Variants in STK32B observed in about 807,000 individuals in gnomAD.
STK32B encodes serine/threonine kinase 32B, also known as serine/threonine-protein kinase 32B.
A neutral mutation model predicts 52.6 loss-of-function variants in STK32B; 43 were observed. The ratio of observed to expected loss-of-function variants is 0.82; its 90% CI spans 0.64 to 1.05. The LOEUF (loss-of-function observed/expected upper bound fraction) is 1.05, where lower values mean the gene tolerates loss of function less well. Ranked by LOEUF, STK32B falls within the 50% of genes least tolerant of loss-of-function variation. STK32B has a pLI of 0.00. For synonymous variants in STK32B, 238 were observed against 204.3 expected, an observed-to-expected ratio of 1.17 and a Z score of -1.41; for missense variants, 621 against 534.6, an observed-to-expected ratio of 1.16 and a Z score of -1.59.
chr4:5,448,968 C>G (rs534207564), intron 7 of STK32B, among the ~76,000 whole-genome samples: 2 of 152,276 alleles, frequency 1.3e-5, no homozygotes, highest in Non-Finnish European at 2.9e-5. Flanking sequence ...TATCCCCCCT[C>G]TTGGAATTCC....
intron 9 of STK32B, among the ~76,000 whole-genome samples, chr4:5,462,804 C>T (rs1000424089): frequency 6.6e-6 from 1 of 152,166 alleles, no homozygotes; most frequent in Admixed American, 6.5e-5. Context: ...GTTGTGCAAA[C>T]AAAAATGTCT....
chr4:5,332,567 A>G (rs920116196), intron 4 of STK32B, among the ~76,000 whole-genome samples: 1 of 152,094 alleles, frequency 6.6e-6, no homozygotes, highest in African/African-American at 2.4e-5. Context: ...ACATATGTAT[A>G]CATGTGCCAT....
intron 1 of STK32B, among the ~76,000 whole-genome samples, chr4:5,120,254 T>C (rs1714954790): frequency 6.6e-6 from 1 of 152,146 alleles, no homozygotes; most frequent in Admixed American, 6.5e-5. Flanking sequence ...TGAATCAGAT[T>C]GATTGATACA....
In STK32B at chr4:5,460,517, T is replaced by C. The variant is rs1377949293; in HGVS notation, c.909+289T>C. Among the ~76,000 whole-genome samples the C allele has an allele frequency of 6.6e-6, 1 of 152,166 alleles. No individual in the cohort carries two copies. Among genetic ancestry groups the C allele is most frequent in the Non-Finnish European group, 1.5e-5 (1 of 68,032 alleles). ...TCCAGGTGTGGGGATAGCAGGCTGA[T>C]CTACCCTTCTGCCTCCACAGAGCTG... On this transcript the variant is annotated intron_variant, in intron 9 of 11. Coordinates refer to ENST00000282908, the MANE Select transcript of STK32B (RefSeq NM_018401.3). The surrounding 1 kb of genome is among the most constrained non-coding windows in gnomAD (Gnocchi z 4.8).
chr4:5,376,461 G>A (rs1735594234), intron 4 of STK32B, among the ~76,000 whole-genome samples: 1 of 151,428 alleles, frequency 6.6e-6, no homozygotes, highest in Non-Finnish European at 1.5e-5. Context: ...TTTTGGCCTA[G>A]GCGTCCACCT....
chr4:5,462,876 G>T (rs374769711), intron 9 of STK32B, among the ~76,000 whole-genome samples: 1 of 152,206 alleles, frequency 6.6e-6, no homozygotes, highest in Non-Finnish European at 1.5e-5. Context: ...CACAAGGGTA[G>T]GGTTTTGTGG....
chr4:5,217,453 G>T (rs1345940437), intron 3 of STK32B, among the ~76,000 whole-genome samples: 1 of 152,110 alleles, frequency 6.6e-6, no homozygotes, highest in East Asian at 1.9e-4. Context: ...AGTGATACAG[G>T]AATGCCAGTC....
In STK32B at chr4:5,291,085, G is replaced by A. The variant is rs944197312; in HGVS notation, c.261-40135G>A. Reference sequence around the variant, plus strand: ...TTTATGCCAATGCCACACTGTCTTCGTTACTATAACATTGTAATAAGTTTG... The same window carrying A: ...TTTATGCCAATGCCACACTGTCTTCATTACTATAACATTGTAATAAGTTTG... On this transcript the variant is annotated intron_variant, in intron 3 of 11. Transcript: ENST00000282908. Among the ~76,000 whole-genome samples, 8 of 151,968 alleles carry A rather than the reference G, an allele frequency of 5.3e-5. No homozygotes were observed. In the East Asian group the frequency reaches 9.6e-4, roughly 18 times the overall value.
intron 5 of STK32B, among the ~76,000 whole-genome samples, chr4:5,403,182 T>A (rs1237432422): frequency 6.6e-6 from 1 of 152,186 alleles, no homozygotes; most frequent in Non-Finnish European, 1.5e-5. Context: ...GGCACACTTT[T>A]CAGATGCCAA....
intron 6 of STK32B, among the ~76,000 whole-genome samples, chr4:5,422,571 G>T (rs1441919400): frequency 1.3e-5 from 2 of 152,344 alleles, no homozygotes; most frequent in East Asian, 1.9e-4. Flanking sequence ...GAATGTTCCA[G>T]CAGCCACGTG....
intron 1 of STK32B, among the ~76,000 whole-genome samples, chr4:5,062,384 T>C (rs931445223): frequency 2.6e-5 from 4 of 152,224 alleles, no homozygotes; most frequent in African/African-American, 9.6e-5. Flanking sequence ...AGCCAACTCA[T>C]GAACCTCACC....
rs1560259168 is a variant in STK32B at position 5,249,433 on chromosome 4, T to TACCTA, written c.260+80983_260+80984insACCTA. On this transcript the variant is annotated intron_variant, in intron 3 of 11. Coordinates refer to ENST00000282908, the MANE Select transcript of STK32B (RefSeq NM_018401.3). The stretch of plus-strand genomic sequence containing the variant: ...TCCTGCCTGTCTGTTCTTCCTTCCT[T>TACCTA]CCTACCTACCTTCCTTCCTTCCTTC... Among the ~76,000 whole-genome samples, 310 of 138,576 alleles carry TACCTA rather than the reference T, an allele frequency of 2.2e-3. 6 individuals carry two copies. The highest frequency in any genetic ancestry group is 3.6e-3 in the Non-Finnish European group (227 of 62,614). 90.9% of individuals were successfully genotyped at this position (138,576 alleles called of 152,430 possible).
At position 5,395,548 on chromosome 4, in the gene STK32B, A is replaced by G. The variant is rs1011612944; in HGVS notation, c.435-2659A>G. Among the ~76,000 whole-genome samples, 36 of 152,018 alleles carry G rather than the reference A, an allele frequency of 2.4e-4. No individual in the cohort carries two copies. Among genetic ancestry groups the G allele is most frequent in the Non-Finnish European group, 3.8e-4 (26 of 68,002 alleles). The stretch of plus-strand genomic sequence containing the variant: ...CCTTCTTCACCTGCCACAACTTACA[A>G]TCCTGCCATTGATTCATGTGCCTTC... On this transcript the variant is annotated intron_variant, in intron 4 of 11. Transcript: ENST00000282908. The surrounding 1 kb of genome is among the most constrained non-coding windows in gnomAD (Gnocchi z 4.4).
chr4:5,031,811 C>G, the STK32B span, among the ~76,000 whole-genome samples: 1 of 152,122 alleles, frequency 6.6e-6, no homozygotes, highest in Non-Finnish European at 1.5e-5. Flanking sequence ...CCTCAGTCCC[C>G]TCCTCAGATC....
At chr4:5,368,612 C>A (rs909533092) in intron 4 of STK32B, among the ~76,000 whole-genome samples, 2 of 152,180 alleles carry the variant, frequency 1.3e-5, no homozygotes, top group African/African-American at 4.8e-5. Context: ...GGGATGTAAA[C>A]CCAGGTAGCC....
chr4:5,097,735 A>T (rs1005353001), intron 1 of STK32B, among the ~76,000 whole-genome samples: 5 of 152,252 alleles, frequency 3.3e-5, no homozygotes, highest in African/African-American at 1.2e-4. Context: ...CTCGTTAATC[A>T]TGTCGATATG....
upstream of STK32B, chr4:5,051,306 T>G (rs1371356785): frequency 6.5e-6 from 1 of 154,522 alleles, no homozygotes; most frequent in Non-Finnish European, 1.4e-5. Flanking sequence ...AGCCGAGGCC[T>G]GGCCATAGTG....
intron 3 of STK32B, among the ~76,000 whole-genome samples, chr4:5,231,080 C>T (rs976293873): frequency 1.3e-5 from 2 of 152,054 alleles, no homozygotes; most frequent in African/African-American, 4.8e-5. Flanking sequence ...CTCACATCAC[C>T]TGCCAGAGTG....
At chr4:5,270,261 G>A (rs575947882) in intron 3 of STK32B, among the ~76,000 whole-genome samples, 2 of 152,270 alleles carry the variant, frequency 1.3e-5, no homozygotes, top group South Asian at 4.1e-4. Flanking sequence ...TGAGGAGCAG[G>A]GAAGCCAGTT....
Sources: allele counts gnomAD v4.1 joint callset (sites outside exome capture counted in the v4.1 genomes callset), GRCh38; gene constraint gnomAD v4.1.1; non-coding constraint Gnocchi (gnomAD v3.1); transcripts MANE v1.5; gene names NCBI Gene and HGNC (gene_info 2026-07-23, HGNC 2026-07-21).